Variants in XDH observed in about 807,000 individuals in gnomAD.
XDH encodes the protein xanthine dehydrogenase/oxidase.
XDH carries 138 observed loss-of-function variants against 156.1 expected under a neutral mutation model. That is an observed-to-expected ratio of 0.88 (90% CI 0.77 to 1.02). XDH has a LOEUF of 1.02. Among genes scored for constraint, XDH ranks in the 50% least tolerant of loss-of-function variants. The pLI, the probability that XDH is intolerant of heterozygous loss-of-function variation, is 0.00. For missense variants in XDH, 1,849 were observed against 1,684.9 expected (o/e 1.10, Z -1.71); for synonymous variants, 669 against 625.7 (o/e 1.07, Z -1.03).
intron 6 of XDH, among the ~76,000 whole-genome samples, chr2:31,396,597 G>A (rs75715410): frequency 0.019 from 2,872 of 152,160 alleles, 48 homozygotes; most frequent in Non-Finnish European, 0.028. Context: ...ATTTTATTAG[G>A]TTGGTGCAAA....
At chr2:31,398,430 G>C in intron 5 of XDH, 143 bp downstream of exon 5, 1 of 1,482,984 alleles carries the variant, frequency 6.7e-7, no homozygotes, top group Non-Finnish European at 9.3e-7. Flanking sequence ...CTTTCTAGCA[G>C]ATCTTAGTCA....
At chr2:31,336,030 C>T in intron 35 of XDH, 22 bp from the exon 36 acceptor site, 1 of 1,613,702 alleles carries the variant, frequency 6.2e-7, no homozygotes, top group South Asian at 1.1e-5. Flanking sequence ...TGATAGTGTT[C>T]TCATTGCCAG....
At chr2:31,339,345 C>T (rs927192349) in intron 34 of XDH, 144 bp downstream of exon 34, 2 of 1,147,142 alleles carry the variant, frequency 1.7e-6, no homozygotes, top group African/African-American at 1.5e-5. Context: ...ACTGCCCCTA[C>T]CAAGGTCAGT....
chr2:31,404,371 C>T (rs1422614572), intron 2 of XDH, among the ~76,000 whole-genome samples: 1 of 152,196 alleles, frequency 6.6e-6, no homozygotes, highest in African/African-American at 2.4e-5. Flanking sequence ...TTCTTCCAGC[C>T]TGGAGACCTT....
intron 30 of XDH, among the ~76,000 whole-genome samples, chr2:31,345,322 C>T (rs541305013): frequency 1.3e-4 from 20 of 152,322 alleles, no homozygotes; most frequent in Non-Finnish European, 2.2e-4. Context: ...CACGCTATAG[C>T]GCTCATGTGG....
intron 4 of XDH, among the ~76,000 whole-genome samples, chr2:31,399,749 T>C (rs1229791893): frequency 2.0e-5 from 3 of 152,194 alleles, no homozygotes; most frequent in African/African-American, 7.2e-5. Flanking sequence ...TGTTTTCACT[T>C]AGCTCTCATT....
chr2:31,368,932 C>G (rs1344432722), intron 18 of XDH, among the ~76,000 whole-genome samples: 1 of 152,116 alleles, frequency 6.6e-6, no homozygotes, highest in East Asian at 1.9e-4. Context: ...GCAATTGATT[C>G]CTTGTTTGCC....
intron 2 of XDH, among the ~76,000 whole-genome samples, chr2:31,403,952 T>G (rs1687129124): frequency 6.6e-6 from 1 of 152,146 alleles, no homozygotes; most frequent in African/African-American, 2.4e-5. Flanking sequence ...GTCACTTCTC[T>G]CATTTTCAAG....
At chr2:31,403,177 A>G (rs1021259934) in intron 2 of XDH, 33 bp from the exon 3 acceptor site, 4 of 1,609,416 alleles carry the variant, frequency 2.5e-6, no homozygotes, top group Admixed American at 1.7e-5. Context: ...GAATGAACTC[A>G]GGGAGAGGAG....
At chr2:31,338,714 CTTTTTTTTTTTT>C (rs57389753) in intron 34 of XDH, among the ~76,000 whole-genome samples, 4 of 62,152 alleles carry the variant, frequency 6.4e-5, no homozygotes, top group Admixed American at 2.8e-4. Flanking sequence ...CTGACCAAGT[CTTTTTTTTTTTT>C]TTTTTTTTTT....
intron 8 of XDH, among the ~76,000 whole-genome samples, chr2:31,386,988 A>AAAGGAAGGAAGGAAGGAAGGAAGG (rs72299308): frequency 1.1e-5 from 1 of 90,436 alleles, no homozygotes; most frequent in Admixed American, 1.3e-4. Flanking sequence ...GGGAGGGAAG[A>AAAGGAAGGAAGGAAGGAAGGAAGG]AAGGAAGGAA....
intron 9 of XDH, chr2:31,384,078 A>T: frequency 1.9e-6 from 1 of 520,940 alleles, no homozygotes; most frequent in Non-Finnish European, 3.5e-6. Context: ...CCTCTCAAAA[A>T]ACCTACCTGA....
rs752712758 is a variant in XDH at position 31,375,446 on chromosome 2, G to C, written c.1536C>G (p.Thr512=). The part of the protein sequence containing the change: ...GGMVDFRCTL[T]LSFFFKFYLT... ...GGTAGAACTTGAAGAAGAAGCTGAG[G>C]GTGAGGGTGCACCGGAAGTCCACCA... Residue 512 remains threonine (T), a synonymous_variant, in exon 15 of 36, where the codon ACC becomes ACG. Coordinates refer to ENST00000379416, the MANE Select transcript of XDH (RefSeq NM_000379.4). The C allele has an allele frequency of 6.2e-7, 1 of 1,614,186 alleles. No individual in the cohort carries two copies. Among genetic ancestry groups the C allele is most frequent in the Non-Finnish European group, 8.5e-7 (1 of 1,180,030 alleles).
chr2:31,350,585 T>A (rs568185743), intron 24 of XDH, among the ~76,000 whole-genome samples: 6 of 151,760 alleles, frequency 4.0e-5, no homozygotes, highest in Non-Finnish European at 7.4e-5. Flanking sequence ...CATGTTGGCC[T>A]GGAAGGTCTC....
At chr2:31,372,451 A>C in intron 16 of XDH, 54 bp from the exon 17 acceptor site, 3 of 1,611,848 alleles carry the variant, frequency 1.9e-6, no homozygotes, top group African/African-American at 1.3e-5. Context: ...CTGCCCCTCT[A>C]TGGGCCCAGG....
At chr2:31,391,641 TC>T (rs556894133) in intron 6 of XDH, among the ~76,000 whole-genome samples, 33 of 152,324 alleles carry the variant, frequency 2.2e-4, no homozygotes, top group African/African-American at 7.2e-4. Context: ...GAAATATCTC[TC>T]CATTTGTTTA....
Position 31,334,824 on chromosome 2 carries a change from G to C in XDH, c.*1134C>G, listed in dbSNP as rs1457766741. On this transcript the variant is annotated 3_prime_UTR_variant, in exon 36 of 36. Coordinates refer to ENST00000379416, the MANE Select transcript of XDH (RefSeq NM_000379.4). ...CTAGGATGAGAACCCAGGCTTCTTG[G>C]CTCTTCTACCTCTGGTTGGGCTTGA... 1 of 152,102 alleles carries C rather than the reference G, an allele frequency of 6.6e-6. No individual in the cohort carries two copies. Among genetic ancestry groups the C allele is most frequent in the Non-Finnish European group, 1.5e-5 (1 of 68,016 alleles). 9.4% of individuals were successfully genotyped at this position (152,102 alleles called of 1,614,324 possible).
rs757307942 is a variant in XDH at position 31,364,200 on chromosome 2, G to T, written c.2589C>A (p.Asp863Glu). The T allele has an allele frequency of 3.1e-6, 5 of 1,614,082 alleles. No individual in the cohort carries two copies. The highest frequency in any genetic ancestry group is 4.2e-6 in the Non-Finnish European group (5 of 1,180,002). ...GGGTGTTCCCCACATTGCTGAAGTG[G>T]TCCACCTCAAGAGCCACAACTGTCC... is the stretch of plus-strand genomic sequence containing the variant. ...KTGTVVALEV[D>E]HFSNVGNTQD... is the part of the protein sequence containing the mutation. The change falls in exon 24 of 36, where the codon GAC (aspartate) becomes GAA (glutamate). Residue 863 changes from aspartate (D) to glutamate (E), a missense_variant. Transcript: ENST00000379416.
intron 1 of XDH, among the ~76,000 whole-genome samples, chr2:31,412,322 C>G (rs527838246): frequency 1.2e-4 from 18 of 152,296 alleles, no homozygotes; most frequent in Admixed American, 3.9e-4. Flanking sequence ...TGCAGGACCC[C>G]ATTTAGTGAA....
Sources: allele counts gnomAD v4.1 joint callset (sites outside exome capture counted in the v4.1 genomes callset), GRCh38; gene constraint gnomAD v4.1.1; transcripts MANE v1.5; gene names NCBI Gene and HGNC (gene_info 2026-07-23, HGNC 2026-07-21).